CFAP276: variants seen among roughly 807,000 people sequenced by gnomAD.
CFAP276 encodes cilia and flagella associated protein 276.
chr1:109,106,354 C>T, the CFAP276 span, among the ~76,000 whole-genome samples: 1 of 152,156 alleles, frequency 6.6e-6, no homozygotes, highest in Non-Finnish European at 1.5e-5. Context: ...TTTCCTAGCT[C>T]TATAGTCAGC....
the CFAP276 span, among the ~76,000 whole-genome samples, chr1:109,113,252 G>A: frequency 7.9e-5 from 12 of 151,932 alleles, no homozygotes; most frequent in African/African-American, 2.9e-4. Context: ...AATTAGCTGG[G>A]CTTGGTGGCA....
the CFAP276 span, chr1:109,112,778 T>C: frequency 1.3e-6 from 2 of 1,494,550 alleles, no homozygotes; most frequent in Admixed American, 2.3e-5. Context: ...TTTGGAGCGC[T>C]GGTTTCGGTT....
At chr1:109,107,969 G>T in the CFAP276 span, 1 of 1,602,986 alleles carries the variant, frequency 6.2e-7, no homozygotes, top group Non-Finnish European at 8.5e-7. Flanking sequence ...TAATTGTGGG[G>T]GTTGAGTTGA....
At chr1:109,108,058 C>G in the CFAP276 span, 2 of 1,474,454 alleles carry the variant, frequency 1.4e-6, no homozygotes, top group African/African-American at 1.4e-5. Flanking sequence ...GAAACCGTAT[C>G]CAGGACAACC....
chr1:109,112,878 G>A, the CFAP276 span: 1 of 799,828 alleles, frequency 1.3e-6, no homozygotes, highest in Admixed American at 3.2e-5. Flanking sequence ...CCCTGGGGAG[G>A]AAGCTCCGGG....
the CFAP276 span, chr1:109,106,574 G>A: frequency 6.2e-7 from 1 of 1,614,082 alleles, no homozygotes; most frequent in Middle Eastern, 1.6e-4. Context: ...TCCTTTTTAG[G>A]GTTGATCCAG....
the CFAP276 span, chr1:109,113,710 A>G: frequency 6.2e-7 from 1 of 1,613,010 alleles, no homozygotes; most frequent in South Asian, 1.1e-5. Flanking sequence ...CCACGTGTGC[A>G]ACATCGGAGA....
chr1:109,111,739 C>A, the CFAP276 span, among the ~76,000 whole-genome samples: 24 of 152,318 alleles, frequency 1.6e-4, no homozygotes, highest in East Asian at 1.5e-3. Flanking sequence ...CTTCCTAACT[C>A]ACATTCTATC....
chr1:109,108,707 T>C, the CFAP276 span, among the ~76,000 whole-genome samples: 3 of 152,324 alleles, frequency 2.0e-5, no homozygotes, highest in East Asian at 5.8e-4. Context: ...ATTGGAAGTG[T>C]AACTTGTTGG....
At chr1:109,107,638 C>T in the CFAP276 span, among the ~76,000 whole-genome samples, 1 of 151,722 alleles carries the variant, frequency 6.6e-6, no homozygotes, top group African/African-American at 2.4e-5. Context: ...CCTATAATCC[C>T]AGCACTTCGG....
chr1:109,108,866 G>A, the CFAP276 span, among the ~76,000 whole-genome samples: 57 of 152,232 alleles, frequency 3.7e-4, no homozygotes, highest in African/African-American at 1.3e-3. Context: ...AGTCAGAGAC[G>A]AAATCAGGAG....
the CFAP276 span, among the ~76,000 whole-genome samples, chr1:109,111,955 T>G: frequency 6.6e-6 from 1 of 152,242 alleles, no homozygotes; most frequent in Non-Finnish European, 1.5e-5. Context: ...AATTTATTTA[T>G]ATATCCTTGG....
chr1:109,106,021 G>A, the CFAP276 span: 1 of 1,609,122 alleles, frequency 6.2e-7, no homozygotes, highest in African/African-American at 1.3e-5. Context: ...TCAGGGATCT[G>A]TCAACACTAG....
chr1:109,113,451 A>AGAGAGAGAGAGAGAGAGT, the CFAP276 span, among the ~76,000 whole-genome samples: 4 of 120,466 alleles, frequency 3.3e-5, no homozygotes, highest in East Asian at 7.0e-4. Context: ...AGAGAGAGAG[A>AGAGAGAGAGAGAGAGAGT]GAGAGAGAGA....
At chr1:109,112,517 T>A in the CFAP276 span, 4 of 1,519,652 alleles carry the variant, frequency 2.6e-6, no homozygotes, top group South Asian at 5.0e-5. Flanking sequence ...GAGTCCTTTA[T>A]GTTACCATCT....
At chr1:109,109,167 C>T in the CFAP276 span, among the ~76,000 whole-genome samples, 1 of 152,008 alleles carries the variant, frequency 6.6e-6, no homozygotes, top group Non-Finnish European at 1.5e-5. Context: ...TTAGAACTCT[C>T]GCTGGGTGCA....
the CFAP276 span, chr1:109,106,535 C>T: frequency 2.2e-5 from 35 of 1,613,690 alleles, no homozygotes; most frequent in Non-Finnish European, 2.7e-5. Context: ...TAACCCTTAC[C>T]TATGGATCCT....
chr1:109,112,611 C>T, the CFAP276 span: 25 of 1,550,606 alleles, frequency 1.6e-5, no homozygotes, highest in Non-Finnish European at 2.1e-5. Context: ...TGGAAGCCCG[C>T]AGTTCTCCTA....
chr1:109,109,515 G>T, the CFAP276 span, among the ~76,000 whole-genome samples: 1 of 148,384 alleles, frequency 6.7e-6, no homozygotes, highest in East Asian at 2.0e-4. Flanking sequence ...ATATGGCAAA[G>T]TGCTATGTGA....
Sources: gnomAD v4.1 joint callset for allele counts (sites outside exome capture counted in the v4.1 genomes callset) on GRCh38, gnomAD v4.1.1 for gene constraint, MANE v1.5 for transcripts, NCBI Gene and HGNC (gene_info 2026-07-23, HGNC 2026-07-21) for gene names.